The following ZNF423 variants were observed in gnomAD, a reference collection of about 807,000 sequenced individuals.
ZNF423 encodes the protein zinc finger protein 423.
ZNF423 carries 12 observed loss-of-function variants against 95.8 expected under a neutral mutation model. That is an observed-to-expected ratio of 0.13 (90% CI 0.08 to 0.20). The LOEUF is 0.20. ZNF423 is among the 10% of genes least tolerant of loss of function. ZNF423 has a pLI of 1.00. For missense variants in ZNF423, 1,316 were observed against 1,737.1 expected, an observed-to-expected ratio of 0.76 and a Z score of 4.31; for synonymous variants, 749 against 711.9, an observed-to-expected ratio of 1.05 and a Z score of -0.83.
At chr16:49,600,673 G>A (rs568391694) in intron 5 of ZNF423, among the ~76,000 whole-genome samples, 8 of 152,196 alleles carry the variant, frequency 5.3e-5, no homozygotes, top group Admixed American at 1.3e-4. Context: ...GGAGCCGGCC[G>A]ACGTTTATTA....
chr16:49,663,819 C>A (rs890287673), intron 3 of ZNF423, among the ~76,000 whole-genome samples: 9 of 152,188 alleles, frequency 5.9e-5, no homozygotes, highest in Admixed American at 2.0e-4. Flanking sequence ...GGGCCCTCCC[C>A]ATCCCCATGC....
chr16:49,723,290 T>C (rs1471482081), intron 3 of ZNF423, among the ~76,000 whole-genome samples: 2 of 152,178 alleles, frequency 1.3e-5, no homozygotes, highest in Non-Finnish European at 2.9e-5. Context: ...TTTCTGTAGT[T>C]TGCACATGGG....
rs371432298 is a variant in ZNF423 at position 49,626,332 on chromosome 16, C to A, written c.3517-78G>T. The A allele has an allele frequency of 4.3e-6, 6 of 1,397,412 alleles. No homozygotes were observed. In the East Asian group the frequency reaches 6.9e-5, roughly 16 times the overall value. The allele number at this position is 1,397,412 out of a possible 1,614,324, so 86.6% of individuals were successfully genotyped here. The stretch of plus-strand genomic sequence containing the variant: ...GAGAAAGCAAAAGTTCCTAGGGGGC[C>A]TGGGTCAAGACTTTCCAGAATGGTT... On this transcript the variant is annotated intron_variant, in intron 4 of 7. Transcript: ENST00000563137.
intron 2 of ZNF423, among the ~76,000 whole-genome samples, chr16:49,760,798 G>A (rs2033815655): frequency 6.6e-6 from 1 of 151,844 alleles, no homozygotes. Flanking sequence ...CCCCTAGGCG[G>A]TGGTTGGGGT....
At chr16:49,657,188 G>A (rs1409526491) in intron 3 of ZNF423, among the ~76,000 whole-genome samples, 1 of 152,194 alleles carries the variant, frequency 6.6e-6, no homozygotes, top group Non-Finnish European at 1.5e-5. Flanking sequence ...CCACAGACAA[G>A]CGGCACACAC....
intron 2 of ZNF423, among the ~76,000 whole-genome samples, chr16:49,754,023 C>T (rs1373830987): frequency 6.9e-6 from 1 of 145,006 alleles, no homozygotes; most frequent in South Asian, 2.2e-4. Flanking sequence ...AAGAGCAAGA[C>T]TCCGTCAAAA....
rs1971435342 is a variant in ZNF423 at position 49,603,308 on chromosome 16, TC to T, written c.3601+22861del. Reference sequence around the variant, plus strand: ...TTCCTGTCACTCAAAGAATCTTGCCTCCACACAGCACTGGCTTCAAGGACGT... The same window carrying T: ...TTCCTGTCACTCAAAGAATCTTGCCTCACACAGCACTGGCTTCAAGGACGT... On this transcript the variant is annotated intron_variant, in intron 5 of 7. Transcript: ENST00000563137. This position sits in a 1 kb window ranked among gnomAD's most constrained non-coding sequence, Gnocchi z 4.1. Among the ~76,000 whole-genome samples, 2 of 152,116 alleles carry T rather than the reference TC, an allele frequency of 1.3e-5. No homozygotes were observed.
At chr16:49,645,665 G>A (rs933166741) in intron 3 of ZNF423, among the ~76,000 whole-genome samples, 4 of 152,200 alleles carry the variant, frequency 2.6e-5, no homozygotes, top group African/African-American at 9.7e-5. Flanking sequence ...GATACCGTAT[G>A]ATATGGTTTG....
intron 3 of ZNF423, among the ~76,000 whole-genome samples, chr16:49,666,349 G>A (rs1404712460): frequency 2.6e-5 from 4 of 152,124 alleles, no homozygotes; most frequent in East Asian, 1.9e-4. Context: ...CGACAGAGGC[G>A]TAAACACACC....
intron 5 of ZNF423, among the ~76,000 whole-genome samples, chr16:49,553,677 C>T (rs1215982022): frequency 6.7e-6 from 1 of 149,478 alleles, no homozygotes; most frequent in Non-Finnish European, 1.5e-5. Flanking sequence ...TATGGGGTCT[C>T]ACTCTGTTGC....
chr16:49,683,626 A>G (rs1567288405), intron 3 of ZNF423, among the ~76,000 whole-genome samples: 1 of 152,180 alleles, frequency 6.6e-6, no homozygotes, highest in African/African-American at 2.4e-5. Context: ...CTACTGTCCA[A>G]AAAGAAACCG....
At chr16:49,775,193 A>G (rs2034101204) in intron 2 of ZNF423, among the ~76,000 whole-genome samples, 1 of 152,174 alleles carries the variant, frequency 6.6e-6, no homozygotes, top group African/African-American at 2.4e-5. Flanking sequence ...CGTGTGCCAA[A>G]TTGTTACTGA....
intron 7 of ZNF423, among the ~76,000 whole-genome samples, chr16:49,508,577 A>G (rs1967753448): frequency 6.6e-6 from 1 of 151,572 alleles, no homozygotes; most frequent in Non-Finnish European, 1.5e-5. Flanking sequence ...AAGTTCCACA[A>G]TCCCCAGGCC....
chr16:49,563,082 C>T (rs1970069894), intron 5 of ZNF423, among the ~76,000 whole-genome samples: 1 of 152,222 alleles, frequency 6.6e-6, no homozygotes, highest in South Asian at 2.1e-4. Flanking sequence ...CGCGCCCACA[C>T]AGCCAGCTGT....
At chr16:49,838,234 C>A (rs573090833) in intron 1 of ZNF423, among the ~76,000 whole-genome samples, 20 of 151,988 alleles carry the variant, frequency 1.3e-4, no homozygotes, top group African/African-American at 4.1e-4. Flanking sequence ...GGCCTGGGCA[C>A]CTTGCAGGGG....
intron 5 of ZNF423, among the ~76,000 whole-genome samples, chr16:49,580,350 C>G (rs1179035750): frequency 6.6e-6 from 1 of 152,136 alleles, no homozygotes; most frequent in African/African-American, 2.4e-5. Context: ...ACCAATAACA[C>G]GTCTCTTAGT....
chr16:49,671,437 C>T (rs2030803953), intron 3 of ZNF423, among the ~76,000 whole-genome samples: 1 of 152,252 alleles, frequency 6.6e-6, no homozygotes, highest in African/African-American at 2.4e-5. Flanking sequence ...CCACCCGCTA[C>T]AGGGTGTCCC....
intron 1 of ZNF423, among the ~76,000 whole-genome samples, chr16:49,829,804 A>G (rs2035043198): frequency 6.6e-6 from 1 of 152,198 alleles, no homozygotes; most frequent in South Asian, 2.1e-4. Context: ...TGGGGGCTCC[A>G]GTGGAGAGGA....
chr16:49,696,766 C>T (rs1324499422), intron 3 of ZNF423, among the ~76,000 whole-genome samples: 1 of 152,182 alleles, frequency 6.6e-6, no homozygotes, highest in Non-Finnish European at 1.5e-5. Flanking sequence ...GGCAAGCCCC[C>T]CCCACCCAGG....
Sources: allele counts gnomAD v4.1 joint callset (sites outside exome capture counted in the v4.1 genomes callset), GRCh38; gene constraint gnomAD v4.1.1; non-coding constraint Gnocchi (gnomAD v3.1); transcripts MANE v1.5; gene names NCBI Gene and HGNC (gene_info 2026-07-23, HGNC 2026-07-21).